Variants in CPS1 observed in about 807,000 individuals in gnomAD.
CPS1 encodes carbamoyl-phosphate synthase [ammonia], mitochondrial.
In CPS1, 109 loss-of-function variants were observed where a neutral mutation model predicts 174.6. The observed-to-expected ratio is 0.62, with a 90% CI of 0.53 to 0.73. The LOEUF (loss-of-function observed/expected upper bound fraction) is 0.73, where lower values mean the gene tolerates loss of function less well. CPS1 is among the 30% of genes least tolerant of loss of function. The pLI is 0.00. For missense variants in CPS1, 1,689 were observed against 1,821.9 expected (o/e 0.93, Z 1.33); for synonymous variants, 637 against 632.0 (o/e 1.01, Z -0.12).
At chr2:210,575,722 C>A (rs1697675946) in intron 2 of CPS1, among the ~76,000 whole-genome samples, 1 of 152,028 alleles carries the variant, frequency 6.6e-6, no homozygotes, top group South Asian at 2.1e-4. Flanking sequence ...AACTTTCAAA[C>A]TTATATGCTT....
chr2:210,496,854 C>G (rs948989067), intron 1 of CPS1, among the ~76,000 whole-genome samples: 4 of 152,164 alleles, frequency 2.6e-5, no homozygotes, highest in African/African-American at 9.7e-5. Flanking sequence ...ACTTAAACTT[C>G]TTATACTTTT....
rs368253394 is a variant in CPS1, at chr2:210,602,333, A to G, written c.1836+3A>G. The G allele has an allele frequency of 8.1e-6, 13 of 1,612,426 alleles. No individual in the cohort carries two copies. In the African/African-American group the frequency reaches 1.3e-4, roughly 17 times the overall value. On this transcript the variant is annotated splice_donor_region_variant and intron_variant, in intron 16 of 37. Transcript: ENST00000233072. ...CTTTGATGGACCTCAGCACAAAGGT[A>G]TGTATTTTTGTAGACAATATTCTTA...
chr2:210,479,536 C>T (rs1675066224), intron 1 of CPS1, among the ~76,000 whole-genome samples: 1 of 152,104 alleles, frequency 6.6e-6, no homozygotes, highest in Admixed American at 6.5e-5. Context: ...ACCATGTTGG[C>T]CAGGCTGGTC....
rs374373045 is a variant in CPS1, at chr2:210,602,766, G to A, written c.1836+436G>A. Among the ~76,000 whole-genome samples the A allele has an allele frequency of 2.0e-5, 3 of 152,014 alleles. No homozygotes were observed. The East Asian group carries it at 5.9e-4, about 30-fold the overall frequency. On this transcript the variant is annotated intron_variant, in intron 16 of 37. Coordinates refer to ENST00000233072, the MANE Select transcript of CPS1 (RefSeq NM_001875.5). ...GGCTGGCATGGGTGACATCCAGAAA[G>A]TGAAACAAAGCACATTGAGTAGTTT...
At chr2:210,645,127 ATAAAACTGTGCTATATTAACATTTT>A (rs1700339308) in intron 25 of CPS1, among the ~76,000 whole-genome samples, 1 of 152,116 alleles carries the variant, frequency 6.6e-6, no homozygotes, top group Non-Finnish European at 1.5e-5. Context: ...GGATTATTCC[ATAAAACTGTGCTATATTAACATTTT>A]ACAAACATGT....
intron 1 of CPS1, among the ~76,000 whole-genome samples, chr2:210,548,501 A>T (rs1480369347): frequency 6.6e-6 from 1 of 152,072 alleles, no homozygotes; most frequent in Non-Finnish European, 1.5e-5. Context: ...AATAAATGAC[A>T]TCAAAAAACA....
At chr2:210,574,320 A>G (rs1341230044) in intron 2 of CPS1, among the ~76,000 whole-genome samples, 1 of 152,108 alleles carries the variant, frequency 6.6e-6, no homozygotes, top group Non-Finnish European at 1.5e-5. Context: ...GAAATATTTG[A>G]TAAATTCTTT....
At chr2:210,572,697 A>G (rs1303682861) in intron 1 of CPS1, among the ~76,000 whole-genome samples, 2 of 152,068 alleles carry the variant, frequency 1.3e-5, no homozygotes, top group Admixed American at 6.6e-5. Flanking sequence ...TACTTCTAGA[A>G]TGTTCCACAG....
chr2:210,574,779 A>G (rs1697630114), intron 2 of CPS1, among the ~76,000 whole-genome samples: 1 of 152,062 alleles, frequency 6.6e-6, no homozygotes, highest in South Asian at 2.1e-4. Context: ...ATATTTATTC[A>G]TTTACTGAAG....
rs776214638 is a variant in CPS1 at position 210,605,103 on chromosome 2, C to A, written c.1838C>A (p.Ala613Asp). The change falls in exon 17 of 38, where the codon GCC becomes GAC. Residue 613 changes from alanine to aspartate, a missense_variant and splice_region_variant. By Grantham distance (126) the Ala-to-Asp change is moderately radical. Coordinates refer to ENST00000233072, the MANE Select transcript of CPS1 (RefSeq NM_001875.5). ...RETLMDLSTK[A>D]FAMTNQILVE... Reference sequence around the variant, plus strand: ...ATATCTTTTGTCACCAATTTCTAGGCCTTTGCTATGACCAACCAAATTCTG... The same window carrying A: ...ATATCTTTTGTCACCAATTTCTAGGACTTTGCTATGACCAACCAAATTCTG... The A allele has an allele frequency of 1.2e-6, 2 of 1,611,764 alleles. No homozygotes were observed. Among genetic ancestry groups the A allele is most frequent in the Non-Finnish European group, 1.7e-6 (2 of 1,178,528 alleles).
chr2:210,557,840 T>G (rs1399097184), intron 1 of CPS1, among the ~76,000 whole-genome samples: 1 of 152,072 alleles, frequency 6.6e-6, no homozygotes. Flanking sequence ...TTGAGTTGAC[T>G]AAGCTTCTAT....
intron 32 of CPS1, among the ~76,000 whole-genome samples, chr2:210,661,189 A>C (rs58625231): frequency 0.1 from 15,622 of 152,192 alleles, 851 homozygotes; most frequent in African/African-American, 0.11. Context: ...ATAAAGAGTG[A>C]CCAGGAAAAT....
intron 16 of CPS1, 25 bp from the exon 17 acceptor site, chr2:210,605,077 G>A: frequency 6.2e-7 from 1 of 1,610,874 alleles, no homozygotes; most frequent in Non-Finnish European, 8.5e-7. Context: ...CTTACTCTTT[G>A]ATATCTTTTG....
At chr2:210,583,852 A>G (rs1698009772) in intron 6 of CPS1, among the ~76,000 whole-genome samples, 1 of 152,140 alleles carries the variant, frequency 6.6e-6, no homozygotes, top group Non-Finnish European at 1.5e-5. Context: ...AAGCAACTAG[A>G]AGGTTATTGT....
At chr2:210,521,296 C>T (rs1186200667) in intron 1 of CPS1, among the ~76,000 whole-genome samples, 1 of 151,576 alleles carries the variant, frequency 6.6e-6, no homozygotes, top group Non-Finnish European at 1.5e-5. Flanking sequence ...ATCCTTTCAT[C>T]CTCATCTTTT....
intron 6 of CPS1, 25 bp downstream of exon 6, chr2:210,582,734 G>T (rs1697966658): frequency 2.6e-6 from 4 of 1,559,656 alleles, no homozygotes; most frequent in African/African-American, 1.4e-5. Flanking sequence ...TTTATATTTT[G>T]TAGTTTTATT....
intron 1 of CPS1, among the ~76,000 whole-genome samples, chr2:210,568,228 T>C (rs1316514592): frequency 1.3e-5 from 2 of 152,076 alleles, no homozygotes; most frequent in Non-Finnish European, 2.9e-5. Flanking sequence ...TAGGAAGCAG[T>C]ACCAGGATGT....
chr2:210,650,834 T>TGA (rs1700536964), intron 28 of CPS1, among the ~76,000 whole-genome samples: 1 of 151,546 alleles, frequency 6.6e-6, no homozygotes, highest in African/African-American at 2.4e-5. Flanking sequence ...CATTAACAAG[T>TGA]GAAAGCTTTC....
At chr2:210,524,039 G>A (rs1026430624) in intron 1 of CPS1, among the ~76,000 whole-genome samples, 1 of 152,006 alleles carries the variant, frequency 6.6e-6, no homozygotes, top group Non-Finnish European at 1.5e-5. Flanking sequence ...TAATAAAACA[G>A]CATATGCAAA....
Sources: gnomAD v4.1 joint callset for allele counts (sites outside exome capture counted in the v4.1 genomes callset) on GRCh38, gnomAD v4.1.1 for gene constraint, MANE v1.5 for transcripts, NCBI Gene and HGNC (gene_info 2026-07-23, HGNC 2026-07-21) for gene names.